The following DYNC1I1 variants were observed in gnomAD, a reference collection of about 807,000 sequenced individuals.
The protein encoded by DYNC1I1 is dynein cytoplasmic 1 intermediate chain 1.
A neutral mutation model predicts 86.6 loss-of-function variants in DYNC1I1; 43 were observed. The ratio of observed to expected loss-of-function variants is 0.50; its 90% confidence interval spans 0.39 to 0.64. The LOEUF is 0.64. DYNC1I1 is among the 30% of genes least tolerant of loss of function. The probability of loss-of-function intolerance (pLI) is 0.00; values close to 1 mark genes in which losing one functional copy is unlikely to be tolerated. For synonymous variants in DYNC1I1, 262 were observed against 283.7 expected, an observed-to-expected ratio of 0.92 and a Z score of 0.77; for missense variants, 604 against 788.8, an observed-to-expected ratio of 0.77 and a Z score of 2.81.
At chr7:95,988,284 G>A (rs1373669131) in intron 9 of DYNC1I1, among the ~76,000 whole-genome samples, 1 of 152,122 alleles carries the variant, frequency 6.6e-6, no homozygotes, top group Non-Finnish European at 1.5e-5. Context: ...GGCTGAGGCA[G>A]GAGAATTGCT....
chr7:95,993,823 A>G (rs927223969), intron 9 of DYNC1I1, among the ~76,000 whole-genome samples: 1 of 152,240 alleles, frequency 6.6e-6, no homozygotes, highest in Non-Finnish European at 1.5e-5. Flanking sequence ...CTTCCATTAA[A>G]TATATGTATA....
At chr7:95,846,935 G>T (rs371292669) in intron 5 of DYNC1I1, among the ~76,000 whole-genome samples, 2 of 151,890 alleles carry the variant, frequency 1.3e-5, no homozygotes, top group Non-Finnish European at 2.9e-5. Context: ...GACTCCATTG[G>T]GTGGCTCCCA....
At chr7:95,987,258 G>A in intron 9 of DYNC1I1, 103 bp downstream of exon 9, 1 of 1,029,000 alleles carries the variant, frequency 9.7e-7, no homozygotes, top group Non-Finnish European at 1.5e-6. Flanking sequence ...TCCTCTCTAT[G>A]CCTGTTGGTT....
intron 10 of DYNC1I1, among the ~76,000 whole-genome samples, chr7:96,003,278 A>G (rs1473973284): frequency 1.3e-5 from 2 of 152,190 alleles, no homozygotes; most frequent in Non-Finnish European, 2.9e-5. Context: ...TGATGGCCCC[A>G]TGCCCCAGCT....
chr7:95,916,948 C>A (rs551088516), intron 6 of DYNC1I1, among the ~76,000 whole-genome samples: 2 of 152,274 alleles, frequency 1.3e-5, no homozygotes, highest in Admixed American at 1.3e-4. Context: ...ATCAATAAAA[C>A]CAGGCAATTA....
intron 16 of DYNC1I1, among the ~76,000 whole-genome samples, chr7:96,082,663 CTG>C (rs1790560358): frequency 6.6e-6 from 1 of 152,176 alleles, no homozygotes; most frequent in Non-Finnish European, 1.5e-5. Context: ...TTCATACACA[CTG>C]TCTCTATGCA....
chr7:96,091,013 A>G (rs1162910595), intron 16 of DYNC1I1, among the ~76,000 whole-genome samples: 2 of 152,134 alleles, frequency 1.3e-5, no homozygotes, highest in Non-Finnish European at 2.9e-5. Context: ...GTTTCATTGC[A>G]TATTACCTCC....
rs1182033235 is a variant in DYNC1I1, at chr7:96,032,800, C to T, written c.1230+20C>T. On this transcript the variant is annotated intron_variant, in intron 12 of 16. Coordinates refer to ENST00000447467, the MANE Select transcript of DYNC1I1 (RefSeq NM_001135556.2). Reference sequence around the variant, plus strand: ...CCACAGGTGGGTTTGTTTTTCCCTACACATAACACCATCCTGGTTAAAAGA... The same window carrying T: ...CCACAGGTGGGTTTGTTTTTCCCTATACATAACACCATCCTGGTTAAAAGA... 2.5e-6 allele frequency: 4 copies of T among 1,571,408 alleles called. No homozygotes were observed. The highest frequency in any genetic ancestry group is 3.5e-6 in the Non-Finnish European group (4 of 1,141,874).
chr7:95,937,476 G>A (rs1421008947), intron 6 of DYNC1I1, among the ~76,000 whole-genome samples: 19 of 150,050 alleles, frequency 1.3e-4, no homozygotes, highest in Non-Finnish European at 1.0e-4. Flanking sequence ...TTCCAAATTC[G>A]ATGTATGGAC....
rs74724460 is a variant in DYNC1I1 at position 95,938,442 on chromosome 7, G to A, written c.491-39070G>A. Among the ~76,000 whole-genome samples the A allele has an allele frequency of 7.6e-4, 115 of 152,252 alleles. No individual in the cohort carries two copies. The East Asian group carries it at 0.021, about 28-fold the overall frequency. On this transcript the variant is annotated intron_variant, in intron 6 of 16. Transcript: ENST00000447467. ...AAAAATTGGCAGGGAGCAGGGGAAG[G>A]TGTTAACCTGTTAGGGAAAATGCAG... is the stretch of plus-strand genomic sequence containing the variant.
intron 4 of DYNC1I1, among the ~76,000 whole-genome samples, chr7:95,818,127 A>G (rs545204663): frequency 5.3e-5 from 8 of 152,270 alleles, no homozygotes; most frequent in African/African-American, 1.9e-4. Flanking sequence ...CCTTAACAAA[A>G]TAGTCCGAAG....
intron 6 of DYNC1I1, among the ~76,000 whole-genome samples, chr7:95,971,735 C>T (rs1793175748): frequency 1.3e-5 from 2 of 152,132 alleles, no homozygotes; most frequent in South Asian, 4.2e-4. Context: ...TCGTCTTTCT[C>T]AGTGGTATAT....
rs1382644331 is a variant in DYNC1I1, at chr7:96,098,083, T to G, written c.*490T>G. 1.0e-6 allele frequency: 1 copy of G among 988,676 alleles called. No individual in the cohort carries two copies. Among genetic ancestry groups the G allele is most frequent in the Non-Finnish European group, 1.2e-6 (1 of 831,592 alleles). The allele number at this position is 988,676 out of a possible 1,614,324, so 61.2% of individuals were successfully genotyped here. A position where few individuals can be genotyped will look rare whatever the true frequency, so the allele number is the denominator to read the frequency against. ...CTAGAAGAACATTGCTGCTCCTTATTTATTGTAGTGTGCTGCATGGAACGT... is the reference window on the plus strand; with the variant it reads ...CTAGAAGAACATTGCTGCTCCTTATGTATTGTAGTGTGCTGCATGGAACGT... On this transcript the variant is annotated 3_prime_UTR_variant, in exon 17 of 17. Transcript: ENST00000447467.
chr7:95,850,261 A>T (rs910831305), intron 5 of DYNC1I1, among the ~76,000 whole-genome samples: 1 of 152,184 alleles, frequency 6.6e-6, no homozygotes, highest in African/African-American at 2.4e-5. Context: ...AAGTAGCAAA[A>T]CTGCATATCT....
intron 6 of DYNC1I1, among the ~76,000 whole-genome samples, chr7:95,911,475 AG>A (rs1055982566): frequency 1.3e-5 from 2 of 152,198 alleles, no homozygotes; most frequent in African/African-American, 4.8e-5. Flanking sequence ...AGAGGTGAGA[AG>A]AAGGAAAGCA....
chr7:95,901,175 T>A (rs928884029), intron 6 of DYNC1I1, among the ~76,000 whole-genome samples: 15 of 152,196 alleles, frequency 9.9e-5, no homozygotes, highest in African/African-American at 2.7e-4. Context: ...TAGGCCTAGA[T>A]AACTATCCCT....
At chr7:95,938,126 A>T (rs1246946033) in intron 6 of DYNC1I1, among the ~76,000 whole-genome samples, 1 of 152,122 alleles carries the variant, frequency 6.6e-6, no homozygotes, top group African/African-American at 2.4e-5. Context: ...TTGTTTTCTT[A>T]TCCATTCTGT....
At chr7:95,928,970 G>T (rs75748794) in intron 6 of DYNC1I1, among the ~76,000 whole-genome samples, 4 of 151,966 alleles carry the variant, frequency 2.6e-5, no homozygotes, top group African/African-American at 9.7e-5. Context: ...CAAACTTACC[G>T]GTATTACACA....
intron 14 of DYNC1I1, among the ~76,000 whole-genome samples, chr7:96,072,788 C>G (rs1790209013): frequency 6.6e-6 from 1 of 152,064 alleles, no homozygotes; most frequent in African/African-American, 2.4e-5. Flanking sequence ...AATTTTAATA[C>G]TTCAAAATAT....
Sources: allele counts gnomAD v4.1 joint callset (sites outside exome capture counted in the v4.1 genomes callset), GRCh38; gene constraint gnomAD v4.1.1; transcripts MANE v1.5; gene names NCBI Gene and HGNC (gene_info 2026-07-23, HGNC 2026-07-21).